DCC: variants seen among roughly 807,000 people sequenced by gnomAD.
The protein encoded by DCC is netrin receptor DCC.
DCC carries 58 observed loss-of-function variants against 172.5 expected under a neutral mutation model. The observed-to-expected ratio is 0.34, with a 90% CI of 0.27 to 0.42. The LOEUF (loss-of-function observed/expected upper bound fraction) is 0.42, where lower values mean the gene tolerates loss of function less well. Among genes scored for constraint, DCC ranks in the 10% least tolerant of loss-of-function variants. The pLI, the probability that DCC is intolerant of heterozygous loss-of-function variation, is 1.00. For synonymous variants in DCC, 709 were observed against 644.5 expected, an observed-to-expected ratio of 1.10 and a Z score of -1.52; for missense variants, 1,740 against 1,791.0, an observed-to-expected ratio of 0.97 and a Z score of 0.51.
At chr18:53,340,073 CACAT>C (rs762269903) in intron 15 of DCC, among the ~76,000 whole-genome samples, 166 bp downstream of exon 15, 2 of 125,620 alleles carry the variant, frequency 1.6e-5, no homozygotes, top group African/African-American at 2.6e-5. Flanking sequence ...CACACACACA[CACAT>C]ACACACACAC....
intron 27 of DCC, among the ~76,000 whole-genome samples, chr18:53,517,900 ATTGTG>A (rs2046356461): frequency 6.6e-6 from 1 of 152,102 alleles, no homozygotes; most frequent in Non-Finnish European, 1.5e-5. Flanking sequence ...GCCTGAGGCT[ATTGTG>A]TCTGAGTAAA....
intron 1 of DCC, among the ~76,000 whole-genome samples, chr18:52,530,652 T>C (rs2032122684): frequency 6.6e-6 from 1 of 152,216 alleles, no homozygotes; most frequent in Admixed American, 6.5e-5. Flanking sequence ...TATCATTTTT[T>C]CAGGGAAAAT....
chr18:52,862,936 G>A (rs1238434546), intron 2 of DCC, among the ~76,000 whole-genome samples: 1 of 151,982 alleles, frequency 6.6e-6, no homozygotes, highest in Non-Finnish European at 1.5e-5. Context: ...TTGTTCCAAG[G>A]AGAAACCTAA....
chr18:52,616,259 T>C (rs2034380869), intron 1 of DCC, among the ~76,000 whole-genome samples: 1 of 151,140 alleles, frequency 6.6e-6, no homozygotes, highest in Non-Finnish European at 1.5e-5. Flanking sequence ...CAGTTTCTTT[T>C]GGTTAATTTT....
chr18:52,650,207 G>A (rs772069283), intron 1 of DCC, among the ~76,000 whole-genome samples: 1 of 151,998 alleles, frequency 6.6e-6, no homozygotes, highest in Non-Finnish European at 1.5e-5. Context: ...TCGAACTCCC[G>A]ACCTCAGGTG....
At chr18:52,999,247 T>G (rs530194933) in intron 5 of DCC, among the ~76,000 whole-genome samples, 1 of 152,228 alleles carries the variant, frequency 6.6e-6, no homozygotes, top group African/African-American at 2.4e-5. Context: ...AGCATGCTTC[T>G]AACTGTAAAA....
At chr18:52,706,179 G>A (rs1439257132) in intron 1 of DCC, among the ~76,000 whole-genome samples, 1 of 151,966 alleles carries the variant, frequency 6.6e-6, no homozygotes, top group Admixed American at 6.5e-5. Flanking sequence ...AGAATACAAA[G>A]TGGATAATTC....
intron 2 of DCC, among the ~76,000 whole-genome samples, chr18:52,870,769 G>T (rs1168176141): frequency 1.4e-5 from 2 of 139,782 alleles, no homozygotes; most frequent in Middle Eastern, 5.1e-3. Flanking sequence ...CAATCATCAC[G>T]CTCCCTACCC....
intron 7 of DCC, among the ~76,000 whole-genome samples, chr18:53,070,369 G>T (rs2042636390): frequency 6.6e-6 from 1 of 152,154 alleles, no homozygotes; most frequent in African/African-American, 2.4e-5. Context: ...TCAGGGTTGG[G>T]AAGACAGAGC....
At chr18:53,266,357 T>C (rs983300891) in intron 12 of DCC, among the ~76,000 whole-genome samples, 4 of 152,206 alleles carry the variant, frequency 2.6e-5, no homozygotes. Context: ...GAGGAGATCA[T>C]CTCACTTAAT....
intron 2 of DCC, among the ~76,000 whole-genome samples, chr18:52,806,480 T>C (rs2038086049): frequency 6.6e-6 from 1 of 152,198 alleles, no homozygotes; most frequent in Admixed American, 6.5e-5. Flanking sequence ...GAAGCTAATA[T>C]GCAAAATTGA....
In DCC at chr18:52,986,825, C is replaced by T. The variant is rs1176481483; in HGVS notation, c.985+61455C>T. Among the ~76,000 whole-genome samples the T allele has an allele frequency of 2.3e-4, 29 of 128,760 alleles. No homozygotes were observed. The East Asian group carries it at 0.01, about 45-fold the overall frequency. The allele number at this position is 128,760 out of a possible 152,430, so 84.5% of individuals were successfully genotyped here. A position where few individuals can be genotyped will look rare whatever the true frequency, so the allele number is the denominator to read the frequency against. On this transcript the variant is annotated intron_variant, in intron 5 of 28. Coordinates refer to ENST00000442544, the MANE Select transcript of DCC (RefSeq NM_005215.4). ...CGTGTAGTATATATATACACACACACACATATACATACACACACACACACA... is the reference window on the plus strand; with the variant it reads ...CGTGTAGTATATATATACACACACATACATATACATACACACACACACACA...
chr18:53,447,687 C>T (rs1912701289), intron 22 of DCC, among the ~76,000 whole-genome samples: 1 of 152,114 alleles, frequency 6.6e-6, no homozygotes, highest in Non-Finnish European at 1.5e-5. Flanking sequence ...TCTATGAGAT[C>T]CCTAACTATC....
At chr18:52,849,532 A>G (rs2038943784) in intron 2 of DCC, among the ~76,000 whole-genome samples, 1 of 152,202 alleles carries the variant, frequency 6.6e-6, no homozygotes, top group African/African-American at 2.4e-5. Context: ...TAGGGCAAGA[A>G]GAGAGTATTG....
At chr18:52,795,517 C>T (rs2037858040) in intron 2 of DCC, among the ~76,000 whole-genome samples, 1 of 151,824 alleles carries the variant, frequency 6.6e-6, no homozygotes, top group Non-Finnish European at 1.5e-5. Flanking sequence ...GTTAATCTAG[C>T]TAGCAGTTTA....
At chr18:52,531,798 C>T (rs1259223762) in intron 1 of DCC, among the ~76,000 whole-genome samples, 3 of 152,134 alleles carry the variant, frequency 2.0e-5, no homozygotes, top group Non-Finnish European at 2.9e-5. Flanking sequence ...TCATTACTTT[C>T]TCCGAGGCTG....
At chr18:52,533,119 G>T (rs1159009686) in intron 1 of DCC, among the ~76,000 whole-genome samples, 3 of 152,016 alleles carry the variant, frequency 2.0e-5, no homozygotes, top group Admixed American at 6.6e-5. Flanking sequence ...TTACAGAGAG[G>T]TCATATGTAC....
At chr18:53,044,366 TA>T (rs2144011140) in intron 5 of DCC, among the ~76,000 whole-genome samples, 1 of 151,996 alleles carries the variant, frequency 6.6e-6, no homozygotes, top group African/African-American at 2.4e-5. Context: ...TATGTATTTT[TA>T]AATGTAGTTT....
chr18:53,449,246 T>C (rs1489866822), intron 22 of DCC, among the ~76,000 whole-genome samples: 1 of 152,246 alleles, frequency 6.6e-6, no homozygotes, highest in Non-Finnish European at 1.5e-5. Flanking sequence ...TTTTAAGAAA[T>C]GTGTAACTTG....
Sources: gnomAD v4.1 joint callset for allele counts (sites outside exome capture counted in the v4.1 genomes callset) on GRCh38, gnomAD v4.1.1 for gene constraint, MANE v1.5 for transcripts, NCBI Gene and HGNC (gene_info 2026-07-23, HGNC 2026-07-21) for gene names.